Variants in CTCFL observed in about 807,000 individuals in gnomAD.
The protein encoded by CTCFL is CCCTC-binding factor like, also known as transcriptional repressor CTCFL.
In CTCFL, 36 loss-of-function variants were observed where a neutral mutation model predicts 67.4. That is an observed-to-expected ratio of 0.53 (90% CI 0.41 to 0.71). The LOEUF is 0.71. Among genes scored for constraint, CTCFL ranks in the 30% least tolerant of loss-of-function variants. CTCFL has a pLI of 0.00. For missense variants in CTCFL, 786 were observed against 835.2 expected, an observed-to-expected ratio of 0.94 and a Z score of 0.73; for synonymous variants, 324 against 302.3, an observed-to-expected ratio of 1.07 and a Z score of -0.75.
Position 57,515,837 on chromosome 20 carries a change from A to T in CTCFL, c.1060-3T>A. 6.2e-7 allele frequency: 1 copy of T among 1,607,042 alleles called. No homozygotes were observed. The highest frequency in any genetic ancestry group is 8.5e-7 in the Non-Finnish European group (1 of 1,177,278). On this transcript the variant is annotated splice_region_variant and splice_polypyrimidine_tract_variant and intron_variant, in intron 5 of 10. Coordinates refer to ENST00000243914, the MANE Select transcript of CTCFL (RefSeq NM_001386993.1). The stretch of plus-strand genomic sequence containing the variant: ...ACATGGCGCTTCAATTTACTTGCCT[A>T]ATAAATACATAAATGATGTTCGTTG...
chr20:57,500,064 T>C lies in CTCFL; in HGVS notation c.1841-1363A>G, dbSNP rs2067837414. 6.1e-6 allele frequency: 6 copies of C among 987,152 alleles called. No homozygotes were observed. In the Middle Eastern group the frequency reaches 1.6e-3, roughly 258 times the overall value. 61.1% of individuals were successfully genotyped at this position (987,152 alleles called of 1,614,324 possible). A position where few individuals can be genotyped will look rare whatever the true frequency, so the allele number is the denominator to read the frequency against. ...TGTTCTAACTTGTCTGAGGATATTT[T>C]TGTCCATGCTTCCTTGAAGTATTTT... On this transcript the variant is annotated intron_variant, in intron 10 of 10. Coordinates refer to ENST00000243914, the MANE Select transcript of CTCFL (RefSeq NM_001386993.1).
At chr20:57,506,176 G>A (rs535836048) in intron 9 of CTCFL, among the ~76,000 whole-genome samples, 1 of 152,356 alleles carries the variant, frequency 6.6e-6, no homozygotes, top group East Asian at 1.9e-4. Flanking sequence ...CTGCTTCCAT[G>A]ACACAAGGGC....
Position 57,524,224 on chromosome 20 carries a change from A to T in CTCFL, c.-11-8T>A. 1 of 1,602,790 alleles carries T rather than the reference A, an allele frequency of 6.2e-7. No individual in the cohort carries two copies. The highest frequency in any genetic ancestry group is 8.5e-7 in the Non-Finnish European group (1 of 1,175,448). On this transcript the variant is annotated splice_polypyrimidine_tract_variant and splice_region_variant and intron_variant, in intron 1 of 10. Transcript: ENST00000243914. ...CTGCCATAATGACTTGGCCTGTTTG[A>T]AAAATAAGCAAGCGGTTTCCATAGG...
chr20:57,519,471 T>G (rs2069183427), intron 3 of CTCFL, 94 bp from the exon 4 acceptor site: 2 of 1,104,194 alleles, frequency 1.8e-6, no homozygotes, highest in Non-Finnish European at 2.7e-6. Context: ...TCAACTAACG[T>G]GGGAACTGAA....
Position 57,523,121 on chromosome 20 carries a change from C to A in CTCFL, c.701G>T (p.Gly234Val). 6.2e-7 allele frequency: 1 copy of A among 1,613,942 alleles called. No individual in the cohort carries two copies. Among genetic ancestry groups the A allele is most frequent in the Non-Finnish European group, 8.5e-7 (1 of 1,179,976 alleles). Residue 234 changes from glycine (G) to valine (V), a missense_variant, in exon 3 of 11, where the codon GGT becomes GTT. Gly to Val is a moderately radical substitution (Grantham distance 109). This residue lies in a region of CTCFL where 333 missense variants were observed against 304.6 expected (regional missense o/e 1.09). Transcript: ENST00000243914. ...VEEQEDQPTA[G>V]QADAEKAKST... ...TTTGGCCTTTTCAGCATCTGCTTGACCAGCTGTAGGTTGATCCTCTTGTTC... is the reference window on the plus strand; with the variant it reads ...TTTGGCCTTTTCAGCATCTGCTTGAACAGCTGTAGGTTGATCCTCTTGTTC...
intron 8 of CTCFL, among the ~76,000 whole-genome samples, chr20:57,511,933 A>C (rs1040786333): frequency 6.6e-6 from 1 of 152,152 alleles, no homozygotes; most frequent in Non-Finnish European, 1.5e-5. Context: ...CCAACGCCCA[A>C]TGACTGAGTA....
chr20:57,503,628 C>G (rs760087372), intron 9 of CTCFL, 27 bp from the exon 10 acceptor site: 2 of 1,612,640 alleles, frequency 1.2e-6, no homozygotes, highest in South Asian at 2.2e-5. Flanking sequence ...ACAGAACACA[C>G]AAGGCGAGTG....
At chr20:57,506,836 A>AT in intron 9 of CTCFL, 1 of 985,118 alleles carries the variant, frequency 1.0e-6, no homozygotes, top group Non-Finnish European at 1.2e-6. Context: ...ACTCTTCACA[A>AT]TTTTTGCATG....
chr20:57,514,762 T>C, intron 6 of CTCFL, 21 bp from the exon 7 acceptor site: 1 of 1,612,136 alleles, frequency 6.2e-7, no homozygotes, highest in Non-Finnish European at 8.5e-7. Context: ...GACAACAAAG[T>C]GATTCCCCCT....
chr20:57,512,317 T>C (rs2068617273), intron 8 of CTCFL, among the ~76,000 whole-genome samples: 1 of 152,176 alleles, frequency 6.6e-6, no homozygotes, highest in Non-Finnish European at 1.5e-5. Flanking sequence ...AATGTCAATG[T>C]CTCAAAAGGG....
rs781289904 is a variant in CTCFL at position 57,514,592 on chromosome 20, G to A, written c.1330C>T (p.Arg444Cys). The A allele has an allele frequency of 1.1e-5, 18 of 1,614,078 alleles. No individual in the cohort carries two copies. In the South Asian group the frequency reaches 1.3e-4, roughly 12 times the overall value. ...ATIIARKSDL[R>C]VHMRNLHAYS... ...AAAGAAAGATCGCTAAACCACTCAC[G>A]TAGGTCGCTTTTCCGTGCAATGATG... Residue 444 changes from arginine (R) to cysteine (C), a missense_variant and splice_region_variant, in exon 7 of 11, where the codon CGT becomes TGT. Coordinates refer to ENST00000243914, the MANE Select transcript of CTCFL (RefSeq NM_001386993.1).
intron 7 of CTCFL, among the ~76,000 whole-genome samples, chr20:57,514,114 CTG>C (rs891673635): frequency 2.6e-5 from 4 of 152,230 alleles, no homozygotes; most frequent in African/African-American, 9.6e-5. Context: ...AAGGGGAAAA[CTG>C]TGTCTTTTGA....
intron 10 of CTCFL, among the ~76,000 whole-genome samples, chr20:57,502,278 C>A (rs528986217): frequency 1.3e-5 from 2 of 152,312 alleles, no homozygotes; most frequent in African/African-American, 2.4e-5. Flanking sequence ...GGACCCAGAA[C>A]CGACTCCACA....
intron 9 of CTCFL, chr20:57,507,182 T>C: frequency 1.8e-5 from 7 of 392,572 alleles, no homozygotes; most frequent in Non-Finnish European, 2.5e-5. Flanking sequence ...TTCTTGTGAC[T>C]AGAATGTGCC....
rs143296587 is a variant in CTCFL, at chr20:57,505,099, A to C, written c.1675-1498T>G. The stretch of plus-strand genomic sequence containing the variant: ...CACAGTTAAAGAGATGGCCTTTGGG[A>C]AAACTGTGGGTAGCATGCACCTTTG... On this transcript the variant is annotated intron_variant, in intron 9 of 10. Transcript: ENST00000243914. 3.1e-3 allele frequency among the ~76,000 whole-genome samples: 468 copies of C among 151,956 alleles called. 15 individuals are homozygous for C. The highest frequency in any genetic ancestry group is 0.014 in the Middle Eastern group (4 of 294).
intron 3 of CTCFL, among the ~76,000 whole-genome samples, 170 bp downstream of exon 3, chr20:57,522,898 C>G (rs1365122245): frequency 1.3e-5 from 2 of 152,196 alleles, no homozygotes; most frequent in African/African-American, 2.4e-5. Context: ...AGTGCAAAAC[C>G]CTTCTGGATT....
Position 57,508,568 on chromosome 20 carries a change from T to C in CTCFL, c.1674+38A>G, listed in dbSNP as rs1325082712. The C allele has an allele frequency of 3.1e-6, 5 of 1,597,194 alleles. No homozygotes were observed. In the East Asian group the frequency reaches 1.1e-4, roughly 36 times the overall value. Reference sequence around the variant, plus strand: ...ACTGTCCTCCTGAGATAGAGGGATCTTTCCATGGGGGATTTACTGTGACTT... The same window carrying C: ...ACTGTCCTCCTGAGATAGAGGGATCCTTCCATGGGGGATTTACTGTGACTT... On this transcript the variant is annotated intron_variant, in intron 9 of 10. Coordinates refer to ENST00000243914, the MANE Select transcript of CTCFL (RefSeq NM_001386993.1).
Position 57,503,621 on chromosome 20 carries a change from G to A in CTCFL, c.1675-20C>T, listed in dbSNP as rs748755724. ...GTTAATCTGTCGGAGAATTGACACAGAACACACAAGGCGAGTGAGATGGGG... is the reference window on the plus strand; with the variant it reads ...GTTAATCTGTCGGAGAATTGACACAAAACACACAAGGCGAGTGAGATGGGG... On this transcript the variant is annotated intron_variant, in intron 9 of 10. Transcript: ENST00000243914. 1.9e-6 allele frequency: 3 copies of A among 1,613,426 alleles called. No individual in the cohort carries two copies. The highest frequency in any genetic ancestry group is 2.5e-6 in the Non-Finnish European group (3 of 1,179,664).
chr20:57,501,497 T>TA (rs918479507), intron 10 of CTCFL, among the ~76,000 whole-genome samples: 131 of 152,128 alleles, frequency 8.6e-4, no homozygotes, highest in Admixed American at 4.2e-3. Context: ...CTTCCTCCAT[T>TA]AAAAAATGTG....
Sources: allele counts gnomAD v4.1 joint callset (sites outside exome capture counted in the v4.1 genomes callset), GRCh38; gene constraint gnomAD v4.1.1; regional missense constraint gnomAD v4.1.1; transcripts MANE v1.5; gene names NCBI Gene and HGNC (gene_info 2026-07-23, HGNC 2026-07-21).